Variants in PREX1 observed in about 807,000 individuals in gnomAD.
The protein encoded by PREX1 is phosphatidylinositol 3,4,5-trisphosphate-dependent Rac exchanger 1 protein.
Under a neutral mutation model 198.3 loss-of-function variants are expected in PREX1, and 41 were observed. That is an observed-to-expected ratio of 0.21 (90% CI 0.16 to 0.27). The LOEUF is 0.27. Among genes scored for constraint, PREX1 ranks in the 10% least tolerant of loss-of-function variants. PREX1 has a pLI of 1.00. For synonymous variants in PREX1, 843 were observed against 887.2 expected, an observed-to-expected ratio of 0.95 and a Z score of 0.89; for missense variants, 1,620 against 2,200.7, an observed-to-expected ratio of 0.74 and a Z score of 5.28.
rs2089743181 is a variant in PREX1, at chr20:48,680,590, T to G, written c.1435+645A>C. 2.0e-5 allele frequency among the ~76,000 whole-genome samples: 3 copies of G among 152,060 alleles called. No homozygotes were observed. The South Asian group carries it at 6.2e-4, about 32-fold the overall frequency. On this transcript the variant is annotated intron_variant, in intron 11 of 39. Transcript: ENST00000371941. ...GGCAGCCACACTCCCTCCCTGCTAT[T>G]CCCTGCACAACCCACTTAGACTCTG...
chr20:48,679,250 C>T, intron 13 of PREX1, 110 bp downstream of exon 13: 1 of 912,718 alleles, frequency 1.1e-6, no homozygotes, highest in Non-Finnish European at 1.7e-6. Context: ...ACTGCAAGCC[C>T]CATTTAATGG....
chr20:48,805,904 A>C (rs115105375), intron 1 of PREX1, among the ~76,000 whole-genome samples: 1,597 of 152,320 alleles, frequency 0.01, 35 homozygotes, highest in African/African-American at 0.036. Context: ...GCAAATACAG[A>C]AACACTTCCA....
chr20:48,644,183 G>A (rs1305412901), intron 27 of PREX1, among the ~76,000 whole-genome samples: 2 of 152,210 alleles, frequency 1.3e-5, no homozygotes, highest in Non-Finnish European at 2.9e-5. Context: ...CTCTAAGAGG[G>A]CGGAGATGTT....
At chr20:48,758,123 G>A (rs1226589893) in intron 1 of PREX1, among the ~76,000 whole-genome samples, 1 of 152,090 alleles carries the variant, frequency 6.6e-6, no homozygotes, top group Non-Finnish European at 1.5e-5. Flanking sequence ...ACAGGGAGGT[G>A]GAACCAAGAA....
intron 29 of PREX1, among the ~76,000 whole-genome samples, chr20:48,640,948 G>A (rs1321717047): frequency 2.0e-5 from 3 of 151,810 alleles, no homozygotes; most frequent in African/African-American, 7.3e-5. Flanking sequence ...GTGGATGGAC[G>A]GATGGATTGA....
chr20:48,851,007 G>A, the PREX1 span, among the ~76,000 whole-genome samples: 2 of 152,168 alleles, frequency 1.3e-5, no homozygotes, highest in African/African-American at 4.8e-5. Flanking sequence ...CGTGACACAT[G>A]AACATTATAT....
At position 48,794,334 on chromosome 20, in the gene PREX1, G is replaced by C. The variant is rs112723734; in HGVS notation, c.219+33308C>G. Among the ~76,000 whole-genome samples the C allele has an allele frequency of 1.8e-3, 277 of 152,344 alleles. 4 individuals are homozygous for C. The highest frequency in any genetic ancestry group is 6.3e-3 in the African/African-American group (261 of 41,590). On this transcript the variant is annotated intron_variant, in intron 1 of 39. Transcript: ENST00000371941. ...AATGAGACTGAGACAGAAAAACAGA[G>C]AGAGGGAAGGCAAGGGGCGGACAGA...
intron 1 of PREX1, among the ~76,000 whole-genome samples, chr20:48,785,001 T>C (rs1445898553): frequency 6.6e-6 from 1 of 151,772 alleles, no homozygotes; most frequent in Non-Finnish European, 1.5e-5. Flanking sequence ...GCAGCCTCCA[T>C]CTCCCAGGTT....
upstream of PREX1, among the ~76,000 whole-genome samples, chr20:48,831,081 A>G (rs909019723): frequency 1.3e-5 from 2 of 152,190 alleles, no homozygotes; most frequent in African/African-American, 4.8e-5. Context: ...TATCCTCAGC[A>G]TGGTGGCTTT....
chr20:48,637,394 T>A (rs1223132945), intron 31 of PREX1, among the ~76,000 whole-genome samples: 2 of 152,126 alleles, frequency 1.3e-5, no homozygotes, highest in African/African-American at 4.8e-5. Context: ...TCTTCCCCAC[T>A]CTCTGCTGGG....
At chr20:48,770,133 AGGTGGGAGC>A (rs2090228591) in intron 1 of PREX1, among the ~76,000 whole-genome samples, 1 of 152,242 alleles carries the variant, frequency 6.6e-6, no homozygotes, top group Non-Finnish European at 1.5e-5. Flanking sequence ...TTTAAAAGCC[AGGTGGGAGC>A]CATCTCTAGG....
At chr20:48,823,123 A>G (rs532739972) in intron 1 of PREX1, among the ~76,000 whole-genome samples, 1 of 152,312 alleles carries the variant, frequency 6.6e-6, no homozygotes, top group African/African-American at 2.4e-5. Context: ...CTTTCTGCCC[A>G]CAATCCCTGT....
At chr20:48,657,681 G>C (rs1446522435) in intron 17 of PREX1, among the ~76,000 whole-genome samples, 1 of 152,148 alleles carries the variant, frequency 6.6e-6, no homozygotes, top group Non-Finnish European at 1.5e-5. Flanking sequence ...AGCCAGCACG[G>C]CAGGTGCATC....
At chr20:48,872,432 A>G in the PREX1 span, among the ~76,000 whole-genome samples, 1 of 152,182 alleles carries the variant, frequency 6.6e-6, no homozygotes, top group African/African-American at 2.4e-5. Context: ...GAGATCAACT[A>G]AGTATTTTAC....
intron 5 of PREX1, among the ~76,000 whole-genome samples, chr20:48,725,010 G>A (rs990297567): frequency 1.3e-5 from 2 of 152,216 alleles, no homozygotes; most frequent in Non-Finnish European, 2.9e-5. Flanking sequence ...GCATGGGAGA[G>A]CTGCGTCCCA....
At chr20:48,811,892 A>C (rs1251430710) in intron 1 of PREX1, among the ~76,000 whole-genome samples, 1 of 152,256 alleles carries the variant, frequency 6.6e-6, no homozygotes, top group Non-Finnish European at 1.5e-5. Context: ...GGACAAAAGC[A>C]GACTATCACG....
the PREX1 span, among the ~76,000 whole-genome samples, chr20:48,873,209 G>T: frequency 1.3e-5 from 2 of 152,154 alleles, no homozygotes; most frequent in East Asian, 1.9e-4. Context: ...CAAGGGAAAA[G>T]TTCACCTCCA....
At chr20:48,627,791 C>T (rs986311410) in intron 38 of PREX1, 70 bp downstream of exon 38, 65 of 1,491,750 alleles carry the variant, frequency 4.4e-5, no homozygotes, top group Non-Finnish European at 5.7e-5. Flanking sequence ...CCCCTCATCC[C>T]ACCCTGGCTG....
intron 19 of PREX1, 34 bp downstream of exon 19, chr20:48,655,256 C>T: frequency 4.7e-6 from 7 of 1,497,192 alleles, no homozygotes; most frequent in Non-Finnish European, 6.4e-6. Flanking sequence ...CCATCTTCTG[C>T]ACCTTTCCCC....
Sources: gnomAD v4.1 joint callset for allele counts (sites outside exome capture counted in the v4.1 genomes callset) on GRCh38, gnomAD v4.1.1 for gene constraint, MANE v1.5 for transcripts, NCBI Gene and HGNC (gene_info 2026-07-23, HGNC 2026-07-21) for gene names.